The following INSL3 variants were observed in gnomAD, a reference collection of about 807,000 sequenced individuals.
The protein encoded by INSL3 is insulin-like 3.
In INSL3, 6 loss-of-function variants were observed where a neutral mutation model predicts 5.5. That is an observed-to-expected ratio of 1.08 (90% CI 0.59 to 2.14). INSL3 has a LOEUF of 2.14. INSL3 is among the 30% of genes most tolerant of loss of function. The pLI, the probability that INSL3 is intolerant of heterozygous loss-of-function variation, is 0.00. For synonymous variants in INSL3, 86 were observed against 82.1 expected, an observed-to-expected ratio of 1.05 and a Z score of -0.26; for missense variants, 178 against 184.7, an observed-to-expected ratio of 0.96 and a Z score of 0.21.
intron 1 of INSL3, 75 bp downstream of exon 1, chr19:17,821,242 C>A: frequency 6.7e-7 from 1 of 1,484,518 alleles, no homozygotes; most frequent in East Asian, 2.5e-5. Context: ...CCTCCCTGCA[C>A]GTGTGCATCT....
intron 1 of INSL3, among the ~76,000 whole-genome samples, chr19:17,818,866 C>T (rs2094191559): frequency 6.6e-6 from 1 of 151,498 alleles, no homozygotes; most frequent in South Asian, 2.1e-4. Context: ...TATACATCCC[C>T]AAATGTCAGC....
chr19:17,819,703 T>G (rs2094192734), intron 1 of INSL3, among the ~76,000 whole-genome samples: 2 of 152,042 alleles, frequency 1.3e-5, no homozygotes, highest in South Asian at 4.1e-4. Context: ...TTAGCTGGGC[T>G]TGGTGGCAGG....
At chr19:17,818,201 G>T (rs113791892) in intron 1 of INSL3, among the ~76,000 whole-genome samples, 4 of 152,104 alleles carry the variant, frequency 2.6e-5, no homozygotes, top group Non-Finnish European at 5.9e-5. Context: ...CCCTAACACC[G>T]CAAGTGGAGT....
At chr19:17,820,814 T>C (rs910380910) in intron 1 of INSL3, among the ~76,000 whole-genome samples, 2 of 111,054 alleles carry the variant, frequency 1.8e-5, no homozygotes, top group South Asian at 3.0e-4. Flanking sequence ...CTGAGGACTT[T>C]CTTTTTTTTT....
At chr19:17,817,991 T>G (rs1013546052) in intron 1 of INSL3, among the ~76,000 whole-genome samples, 5 of 151,708 alleles carry the variant, frequency 3.3e-5, no homozygotes, top group African/African-American at 7.3e-5. Flanking sequence ...TGGTGTCAGT[T>G]TCCCCAACAG....
chr19:17,821,276 C>G, intron 1 of INSL3, 41 bp downstream of exon 1: 1 of 1,539,420 alleles, frequency 6.5e-7, no homozygotes, highest in East Asian at 2.4e-5. Context: ...CCTGCCCCAC[C>G]TCGGCTTCCC....
chr19:17,818,427 GC>G (rs1277134666), intron 1 of INSL3, among the ~76,000 whole-genome samples: 2 of 152,012 alleles, frequency 1.3e-5, no homozygotes, highest in African/African-American at 4.8e-5. Context: ...ACCAGCCTTG[GC>G]AATACAGCAA....
At chr19:17,817,453 C>T (rs2094189489) in intron 1 of INSL3, among the ~76,000 whole-genome samples, 1 of 144,784 alleles carries the variant, frequency 6.9e-6, no homozygotes. Flanking sequence ...CCACTGCACT[C>T]CAGCCTGGGT....
chr19:17,821,480 C>G lies in INSL3; in HGVS notation c.27G>C (p.Ala9=). Residue 9 remains alanine, a synonymous_variant, in exon 1 of 2, where the codon GCG becomes GCC. Coordinates refer to ENST00000317306, the MANE Select transcript of INSL3 (RefSeq NM_005543.4). ...CCAGGGCAGGGCCCAGCAGCACCAG[C>G]GCCCAGGCGGGCAGACGGGGGTCCA... MDPRLPAW[A]LVLLGPALVF... is the part of the protein sequence containing the mutation. 6.6e-7 allele frequency: 1 copy of G among 1,507,612 alleles called. No homozygotes were observed. The highest frequency in any genetic ancestry group is 8.9e-7 in the Non-Finnish European group (1 of 1,123,454). The allele number at this position is 1,507,612 out of a possible 1,614,324, so 93.4% of individuals were successfully genotyped here.
rs748976982 is a variant in INSL3 at position 17,821,397 on chromosome 19, T to A, written c.110A>T (p.His37Leu). 2.6e-6 allele frequency: 4 copies of A among 1,548,074 alleles called. No individual in the cohort carries two copies. The African/African-American group carries it at 5.5e-5, about 21-fold the overall frequency. Residue 37 changes from histidine to leucine, a missense_variant, in exon 1 of 2, where the codon CAC becomes CTC. His to Leu is a moderately conservative substitution (Grantham distance 99). Transcript: ENST00000317306. ...CACGCGCACTAGCGCGCGTACGAAG[T>A]GGTGGCCGCACAACTTCTCACGCAT... ...PEMREKLCGH[H>L]FVRALVRVCG...
Position 17,817,059 on chromosome 19 carries a change from C to G in INSL3, c.191G>C (p.Arg64Pro), listed in dbSNP as rs151110387. 1.1e-5 allele frequency: 18 copies of G among 1,612,712 alleles called. No individual in the cohort carries two copies. In the South Asian group the frequency reaches 1.6e-4, roughly 15 times the overall value. ...TCTCTCCAGCCACTGTAGCAACTCA[C>G]CTGGGGACAGAGTGAAACTCAGCTG... is the stretch of plus-strand genomic sequence containing the variant. Reference protein sequence around the residue: ...EARRPATGGDRELLQWLERRH... With the variant: ...EARRPATGGDPELLQWLERRH... Residue 64 changes from arginine (R) to proline (P), a missense_variant and splice_region_variant, in exon 2 of 2, where the codon CGT becomes CCT. Transcript: ENST00000317306.
At chr19:17,821,199 T>A (rs2094195027) in intron 1 of INSL3, 118 bp downstream of exon 1, 4 of 1,205,816 alleles carry the variant, frequency 3.3e-6, no homozygotes, top group Non-Finnish European at 4.7e-6. Context: ...AGCCGGCAGG[T>A]GAGCCCTGGG....
chr19:17,819,870 A>C (rs540711857), intron 1 of INSL3, among the ~76,000 whole-genome samples: 1 of 149,086 alleles, frequency 6.7e-6, no homozygotes, highest in Non-Finnish European at 1.5e-5. Context: ...ACAAAACAAG[A>C]CCAGACTGGC....
chr19:17,819,826 A>G lies in INSL3; in HGVS notation c.190+1491T>C, dbSNP rs530231027. Among the ~76,000 whole-genome samples, 3 of 152,048 alleles carry G rather than the reference A, an allele frequency of 2.0e-5. No individual in the cohort carries two copies. In the South Asian group the frequency reaches 6.2e-4, roughly 32 times the overall value. ...CACTGCACTCCAGCCTGGGGGACAG[A>G]GCGAGACTCAATGTCAAAACAAAAC... On this transcript the variant is annotated intron_variant, in intron 1 of 1. Coordinates refer to ENST00000317306, the MANE Select transcript of INSL3 (RefSeq NM_005543.4).
chr19:17,816,926 G>A lies in INSL3; in HGVS notation c.324C>T (p.Ala108=). The change falls in exon 2 of 2, where the codon GCC becomes GCT. Residue 108 remains alanine, a synonymous_variant. Coordinates refer to ENST00000317306, the MANE Select transcript of INSL3 (RefSeq NM_005543.4). ...SHHHRHHRAA[A]TNPARYCCLS... is the part of the protein sequence containing the mutation. Reference sequence around the variant, plus strand: ...GGCAGCAGTAGCGTGCAGGGTTGGTGGCAGCTGCACGGTGGTGGCGGTGAT... The same window carrying A: ...GGCAGCAGTAGCGTGCAGGGTTGGTAGCAGCTGCACGGTGGTGGCGGTGAT... The A allele has an allele frequency of 2.5e-6, 4 of 1,614,168 alleles. No individual in the cohort carries two copies. The highest frequency in any genetic ancestry group is 3.4e-6 in the Non-Finnish European group (4 of 1,180,040).
At chr19:17,817,962 G>A (rs1204815558) in intron 1 of INSL3, among the ~76,000 whole-genome samples, 1 of 151,946 alleles carries the variant, frequency 6.6e-6, no homozygotes, top group Non-Finnish European at 1.5e-5. Context: ...GGGAGTGTCG[G>A]GGGTCTTGGA....
chr19:17,821,256 C>T, intron 1 of INSL3, 61 bp downstream of exon 1: 1 of 1,523,462 alleles, frequency 6.6e-7, no homozygotes, highest in Non-Finnish European at 8.8e-7. Flanking sequence ...TGCATCTGCG[C>T]CTACGTGCAC....
intron 1 of INSL3, among the ~76,000 whole-genome samples, chr19:17,817,311 A>G (rs2094189265): frequency 6.8e-6 from 1 of 146,600 alleles, no homozygotes; most frequent in African/African-American, 2.5e-5. Flanking sequence ...CCCCTTCTCT[A>G]CTAAAAAAAA....
At chr19:17,820,862 G>A (rs2094194521) in intron 1 of INSL3, among the ~76,000 whole-genome samples, 1 of 150,240 alleles carries the variant, frequency 6.7e-6, no homozygotes, top group African/African-American at 2.5e-5. Context: ...CGCCCAGGCT[G>A]GAGTGCAATG....
Sources: allele counts gnomAD v4.1 joint callset (sites outside exome capture counted in the v4.1 genomes callset), GRCh38; gene constraint gnomAD v4.1.1; transcripts MANE v1.5; gene names NCBI Gene and HGNC (gene_info 2026-07-23, HGNC 2026-07-21).